Variants in ATP2B4 observed in about 807,000 individuals in gnomAD.
ATP2B4 encodes ATPase plasma membrane Ca2+ transporting 4, also known as plasma membrane calcium-transporting ATPase 4.
A neutral mutation model predicts 110.3 loss-of-function variants in ATP2B4; 39 were observed. The observed-to-expected ratio is 0.35, with a 90% CI of 0.27 to 0.46. The LOEUF (loss-of-function observed/expected upper bound fraction) is 0.46, where lower values mean the gene tolerates loss of function less well. Among genes scored for constraint, ATP2B4 ranks in the 20% least tolerant of loss-of-function variants. The probability of loss-of-function intolerance (pLI) is 1.00; values close to 1 mark genes in which losing one functional copy is unlikely to be tolerated. For synonymous variants in ATP2B4, 538 were observed against 571.7 expected, an observed-to-expected ratio of 0.94 and a Z score of 0.84; for missense variants, 1,135 against 1,530.9, an observed-to-expected ratio of 0.74 and a Z score of 4.32.
In ATP2B4 at chr1:203,652,497, A is replaced by G. The variant is rs1664029396; in HGVS notation, c.-465+25278A>G. On this transcript the variant is annotated intron_variant, in intron 1 of 20. Coordinates refer to ENST00000357681, the MANE Select transcript of ATP2B4 (RefSeq NM_001684.5). ...ATTCAAAAGAAGAAAAATTATAAGC[A>G]TACCTTATTTTATTGTACTTCAGAC... Among the ~76,000 whole-genome samples, 5 of 152,324 alleles carry G rather than the reference A, an allele frequency of 3.3e-5. No homozygotes were observed. In the South Asian group the frequency reaches 1.0e-3, roughly 32 times the overall value.
At position 203,727,446 on chromosome 1, in the gene ATP2B4, C is replaced by T. The variant is rs1489953269; in HGVS notation, c.3184C>T (p.His1062Tyr). The T allele has an allele frequency of 1.9e-6, 3 of 1,614,116 alleles. No homozygotes were observed. The African/African-American group carries it at 4.0e-5, about 22-fold the overall frequency. ...RSLKFLKEAG[H>Y]GTTKEEITKD... The stretch of plus-strand genomic sequence containing the variant: ...CCTGAAGTTCCTGAAGGAGGCTGGG[C>T]ATGGCACCACCAAAGAGGAGATCAC... Residue 1062 changes from histidine to tyrosine, a missense_variant, in exon 20 of 21, where the codon CAT becomes TAT. By Grantham distance (83) the His-to-Tyr change is moderately conservative. This residue lies in a region of ATP2B4 where 61 missense variants were observed against 123.4 expected (regional missense o/e 0.49). Coordinates refer to ENST00000357681, the MANE Select transcript of ATP2B4 (RefSeq NM_001684.5).
At chr1:203,634,036 G>C (rs1417136735) in intron 1 of ATP2B4, among the ~76,000 whole-genome samples, 1 of 152,044 alleles carries the variant, frequency 6.6e-6, no homozygotes, top group African/African-American at 2.4e-5. Flanking sequence ...GGCAAGAAGA[G>C]TGAAACTCCG....
intron 2 of ATP2B4, among the ~76,000 whole-genome samples, chr1:203,688,515 T>A (rs768062912): frequency 1.3e-4 from 20 of 151,622 alleles, no homozygotes; most frequent in Non-Finnish European, 2.9e-4. Context: ...TTGCCCAGGG[T>A]GGTCCTGAAC....
chr1:203,712,128 G>T lies in ATP2B4; in HGVS notation c.2200G>T (p.Glu734Ter), dbSNP rs767252454. 1 of 1,613,904 alleles carries T rather than the reference G, an allele frequency of 6.2e-7. No individual in the cohort carries two copies. ...GKEFNRLIRNEKGEVEQEKLD... is the reference protein window; with the variant it reads ...GKEFNRLIRN The stretch of plus-strand genomic sequence containing the variant: ...AGAATTCAACCGGCTCATCCGCAAC[G>T]AGAAAGGCGAGGTGGGTCCTGGCTA... The change falls in exon 13 of 21, where the codon GAG (glutamate) becomes TAG (stop). Residue 734 changes from glutamate (E) to a stop codon, truncating the protein, a stop_gained. Coordinates refer to ENST00000357681, the MANE Select transcript of ATP2B4 (RefSeq NM_001684.5). LOFTEE classifies it high-confidence loss of function.
At chr1:203,681,868 A>C (rs1434194441) in intron 1 of ATP2B4, among the ~76,000 whole-genome samples, 1 of 151,670 alleles carries the variant, frequency 6.6e-6, no homozygotes, top group African/African-American at 2.4e-5. Context: ...ACTCCAGAGA[A>C]ACTTTAATGC....
chr1:203,706,049 A>G (rs1278069397), intron 8 of ATP2B4, among the ~76,000 whole-genome samples: 1 of 152,176 alleles, frequency 6.6e-6, no homozygotes, highest in Non-Finnish European at 1.5e-5. Context: ...TTTCCCAAAT[A>G]TTGTGCCACA....
chr1:203,627,018 C>T lies in ATP2B4; in HGVS notation c.-666C>T, dbSNP rs1241213493. The T allele has an allele frequency of 6.6e-6, 1 of 152,364 alleles. No homozygotes were observed. Among genetic ancestry groups the T allele is most frequent in the Non-Finnish European group, 1.5e-5 (1 of 68,140 alleles). 9.4% of individuals were successfully genotyped at this position (152,364 alleles called of 1,614,324 possible). On this transcript the variant is annotated 5_prime_UTR_variant, in exon 1 of 21. Transcript: ENST00000357681. ...TTTTTCTTTCAGGAACCTGAGAGGT[C>T]CTTCCCATTGGAGGGGCAGGGGGAG...
At chr1:203,711,787 C>G (rs932461906) in intron 12 of ATP2B4, among the ~76,000 whole-genome samples, 173 bp from the exon 13 acceptor site, 3 of 152,188 alleles carry the variant, frequency 2.0e-5, no homozygotes, top group Non-Finnish European at 4.4e-5. Context: ...GTGGGTAGGA[C>G]AGAAGTGAGG....
Position 203,633,103 on chromosome 1 carries a change from A to G in ATP2B4, c.-465+5884A>G, listed in dbSNP as rs1477409335. The stretch of plus-strand genomic sequence containing the variant: ...TATAAGTGAACTGTGTTGTGCCAGA[A>G]ACTAGAGCATGCTCATGTCATGACA... On this transcript the variant is annotated intron_variant, in intron 1 of 20. Coordinates refer to ENST00000357681, the MANE Select transcript of ATP2B4 (RefSeq NM_001684.5). Among the ~76,000 whole-genome samples, 6 of 152,210 alleles carry G rather than the reference A, an allele frequency of 3.9e-5. No homozygotes were observed. In the East Asian group the frequency reaches 1.2e-3, roughly 29 times the overall value.
At chr1:203,723,719 C>T (rs865991830) in intron 18 of ATP2B4, among the ~76,000 whole-genome samples, 162 bp from the exon 19 acceptor site, 1 of 152,086 alleles carries the variant, frequency 6.6e-6, no homozygotes, top group Non-Finnish European at 1.5e-5. Flanking sequence ...TTGTCTGTCT[C>T]CCCTTTGAGA....
At chr1:203,635,136 G>A (rs1261042098) in intron 1 of ATP2B4, among the ~76,000 whole-genome samples, 6 of 151,960 alleles carry the variant, frequency 3.9e-5, no homozygotes, top group Non-Finnish European at 5.9e-5. Context: ...CACTACACCC[G>A]GCTAATTTTG....
intron 20 of ATP2B4, chr1:203,728,251 C>A (rs756163152): frequency 8.6e-6 from 4 of 465,034 alleles, no homozygotes; most frequent in African/African-American, 2.0e-5. Context: ...ATAGAAGCCA[C>A]CCCTGCTGCT....
In ATP2B4 at chr1:203,673,211, C is replaced by T. The variant is rs574814059; in HGVS notation, c.-464-9531C>T. 2.4e-4 allele frequency among the ~76,000 whole-genome samples: 36 copies of T among 152,298 alleles called. No homozygotes were observed. The South Asian group carries it at 6.8e-3, about 29-fold the overall frequency. On this transcript the variant is annotated intron_variant, in intron 1 of 20. Coordinates refer to ENST00000357681, the MANE Select transcript of ATP2B4 (RefSeq NM_001684.5). ...AAGGAACTTGTTAGGAGTGCACCTT[C>T]CCAGGCCCCACCTCCGTTCTTGTGC...
chr1:203,627,933 C>G (rs1263998765), intron 1 of ATP2B4, among the ~76,000 whole-genome samples: 1 of 152,148 alleles, frequency 6.6e-6, no homozygotes, highest in East Asian at 1.9e-4. Flanking sequence ...TACCTCGTAC[C>G]GCTGTTGTTT....
intron 20 of ATP2B4, among the ~76,000 whole-genome samples, chr1:203,736,668 G>A (rs1164543050): frequency 1.3e-5 from 2 of 152,136 alleles, no homozygotes; most frequent in Non-Finnish European, 2.9e-5. Context: ...GAGAAATGAT[G>A]ACCAGGAAGG....
chr1:203,631,202 G>A (rs191460278), intron 1 of ATP2B4, among the ~76,000 whole-genome samples: 2 of 152,340 alleles, frequency 1.3e-5, no homozygotes, highest in African/African-American at 4.8e-5. Context: ...TAGTGGAGAG[G>A]CCAAAGGAAA....
At position 203,637,300 on chromosome 1, in the gene ATP2B4, A is replaced by G. The variant is rs182222155; in HGVS notation, c.-465+10081A>G. Among the ~76,000 whole-genome samples the G allele has an allele frequency of 4.1e-3, 622 of 152,140 alleles. 6 individuals carry two copies. Among genetic ancestry groups the G allele is most frequent in the Middle Eastern group, 0.031 (9 of 294 alleles). ...GAAAAAATTAGCCGGGCGAGGTGGC[A>G]GGCGCCTGTAGTCCCAGCTACTGGG... On this transcript the variant is annotated intron_variant, in intron 1 of 20. Transcript: ENST00000357681.
At chr1:203,633,585 G>A (rs1031423732) in intron 1 of ATP2B4, among the ~76,000 whole-genome samples, 1 of 152,098 alleles carries the variant, frequency 6.6e-6, no homozygotes, top group African/African-American at 2.4e-5. Flanking sequence ...CCAACATGGT[G>A]AAACCCTGTC....
chr1:203,645,139 C>T (rs192008430), intron 1 of ATP2B4, among the ~76,000 whole-genome samples: 46 of 152,306 alleles, frequency 3.0e-4, no homozygotes, highest in Non-Finnish European at 3.5e-4. Context: ...ACTTGCTCAG[C>T]TTATCTCCTG....
Sources: gnomAD v4.1 joint callset for allele counts (sites outside exome capture counted in the v4.1 genomes callset) on GRCh38, gnomAD v4.1.1 for gene constraint, gnomAD v4.1.1 regional missense constraint, MANE v1.5 for transcripts, NCBI Gene and HGNC (gene_info 2026-07-23, HGNC 2026-07-21) for gene names.